ETS2: variants seen among roughly 807,000 people sequenced by gnomAD.
The protein encoded by ETS2 is protein C-ets-2.
Under a neutral mutation model 54.9 loss-of-function variants are expected in ETS2, and 19 were observed. The observed-to-expected ratio is 0.35, with a 90% CI of 0.24 to 0.51. The LOEUF (loss-of-function observed/expected upper bound fraction) is 0.51. Among genes scored for constraint, ETS2 ranks in the 20% least tolerant of loss-of-function variants. The pLI, the probability that ETS2 is intolerant of heterozygous loss-of-function variation, is 0.97. For missense variants in ETS2, 417 were observed against 593.0 expected (o/e 0.70, Z 3.08); for synonymous variants, 219 against 229.3 (o/e 0.95, Z 0.41).
Position 38,814,758 on chromosome 21 carries a change from C to A in ETS2, c.305-23C>A. 1 of 1,608,752 alleles carries A rather than the reference C, an allele frequency of 6.2e-7. No homozygotes were observed. The highest frequency in any genetic ancestry group is 8.5e-7 in the Non-Finnish European group (1 of 1,175,528). The stretch of plus-strand genomic sequence containing the variant: ...TCCACTGTTTTTACCTCATGTGTTC[C>A]ATTTTTTCTTCTCTCCTGGTAGACC... On this transcript the variant is annotated intron_variant, in intron 4 of 9. Coordinates refer to ENST00000360938, the MANE Select transcript of ETS2 (RefSeq NM_005239.6). This position sits in a 1 kb window ranked among gnomAD's most constrained non-coding sequence, Gnocchi z 4.2.
chr21:38,807,152 A>C (rs2123403590), intron 1 of ETS2, among the ~76,000 whole-genome samples: 1 of 152,330 alleles, frequency 6.6e-6, no homozygotes, highest in South Asian at 2.1e-4. Flanking sequence ...GTTAGCACCG[A>C]CCATCCGCAG....
chr21:38,809,941 A>G, intron 1 of ETS2, 94 bp from the exon 2 acceptor site: 1 of 746,864 alleles, frequency 1.3e-6, no homozygotes, highest in Non-Finnish European at 2.2e-6. Flanking sequence ...TGTTAGCTGT[A>G]GAACTCAGCC....
chr21:38,805,681 C>G, upstream of ETS2: 1 of 1,175,204 alleles, frequency 8.5e-7, no homozygotes, highest in South Asian at 1.5e-5. The surrounding 1 kb of genome is among the most constrained non-coding windows in gnomAD (Gnocchi z 5.2). Context: ...CTCTTCTCTC[C>G]CCTCGTGCGT....
chr21:38,819,263 C>A (rs368271003), intron 7 of ETS2, among the ~76,000 whole-genome samples: 1 of 152,128 alleles, frequency 6.6e-6, no homozygotes, highest in Non-Finnish European at 1.5e-5. Flanking sequence ...TCTTTTTCAT[C>A]GCTGTATAGT....
Position 38,821,816 on chromosome 21 carries a change from C to G in ETS2, c.1194+112C>G. On this transcript the variant is annotated intron_variant, in intron 9 of 9. Transcript: ENST00000360938. This position sits in a 1 kb window ranked among gnomAD's most constrained non-coding sequence, Gnocchi z 4.2. ...AGGGTTCACCAGTACTGCTGAGAAT[C>G]TTTCCACGTGAGGCATCCTTGGCTG... The G allele has an allele frequency of 1.3e-6, 1 of 741,550 alleles. No homozygotes were observed. The highest frequency in any genetic ancestry group is 2.4e-6 in the Non-Finnish European group (1 of 423,942). 45.9% of individuals were successfully genotyped at this position (741,550 alleles called of 1,614,324 possible).
Position 38,818,643 on chromosome 21 carries a change from T to A in ETS2, c.808T>A (p.Ser270Thr), listed in dbSNP as rs776625757. The change falls in exon 7 of 10, where the codon TCT becomes ACT. Residue 270 changes from serine (S) to threonine (T), a missense_variant. Coordinates refer to ENST00000360938, the MANE Select transcript of ETS2 (RefSeq NM_005239.6). ...CAACTTGAATTTGCTCACCAACAAT[T>A]CTGGTAAGATTGGAAGCATCTTTCA... Reference protein sequence around the residue: ...GSNLNLLTNNSGTPKDHDSPE... With the variant: ...GSNLNLLTNNTGTPKDHDSPE... 1 of 1,614,076 alleles carries A rather than the reference T, an allele frequency of 6.2e-7. No individual in the cohort carries two copies. The highest frequency in any genetic ancestry group is 8.5e-7 in the Non-Finnish European group (1 of 1,180,006).
intron 6 of ETS2, among the ~76,000 whole-genome samples, chr21:38,817,505 G>C (rs1022740964): frequency 6.6e-6 from 1 of 152,222 alleles, no homozygotes; most frequent in Non-Finnish European, 1.5e-5. Context: ...GGTCAGCACT[G>C]TTAGTGCTAG....
rs201065633 is a variant in ETS2 at position 38,819,633 on chromosome 21, C to T, written c.942C>T (p.Phe314=). 53 of 1,614,062 alleles carry T rather than the reference C, an allele frequency of 3.3e-5. No homozygotes were observed. Among genetic ancestry groups the T allele is most frequent in the African/African-American group, 1.9e-4 (14 of 74,930 alleles). ...AACGGGTTCCTTCCTTCGAGAGCTT[C>T]GAAGATGACTGCAGCCAGTCTCTCT... The part of the protein sequence containing the change: ...DVQRVPSFES[F]EDDCSQSLCL... Residue 314 remains phenylalanine, a synonymous_variant, in exon 8 of 10, where the codon TTC becomes TTT. Transcript: ENST00000360938.
rs2060923719 is a variant in ETS2, at chr21:38,814,147, TAAGGAATCATGCC to T, written c.185-121_185-109del. 6.3e-6 allele frequency: 6 copies of T among 946,944 alleles called. No homozygotes were observed. In the East Asian group the frequency reaches 1.2e-4, roughly 19 times the overall value. The allele number at this position is 946,944 out of a possible 1,614,324, so 58.7% of individuals were successfully genotyped here. A position where few individuals can be genotyped will look rare whatever the true frequency, so the allele number is the denominator to read the frequency against. ...TTTTTTGTTAATAGTTACACTGTTTTAAGGAATCATGCCAAGGTTTGAGATCAAAATTGTTCTT... is the reference window on the plus strand; with the variant it reads ...TTTTTTGTTAATAGTTACACTGTTTTAAGGTTTGAGATCAAAATTGTTCTT... On this transcript the variant is annotated intron_variant, in intron 3 of 9. Coordinates refer to ENST00000360938, the MANE Select transcript of ETS2 (RefSeq NM_005239.6). The surrounding 1 kb of genome is among the most constrained non-coding windows in gnomAD (Gnocchi z 4.2).
chr21:38,811,266 T>C (rs2060912780), intron 2 of ETS2, among the ~76,000 whole-genome samples: 2 of 152,216 alleles, frequency 1.3e-5, no homozygotes, highest in African/African-American at 4.8e-5. Context: ...TTTAAAAGTT[T>C]ATTGGAGGTT....
Position 38,806,296 on chromosome 21 carries a change from C to T in ETS2, c.-1+176C>T. 1.1e-6 allele frequency: 1 copy of T among 943,896 alleles called. No homozygotes were observed. Among genetic ancestry groups the T allele is most frequent in the Non-Finnish European group, 1.3e-6 (1 of 792,226 alleles). 58.5% of individuals were successfully genotyped at this position (943,896 alleles called of 1,614,324 possible). On this transcript the variant is annotated intron_variant, in intron 1 of 9. Coordinates refer to ENST00000360938, the MANE Select transcript of ETS2 (RefSeq NM_005239.6). The surrounding 1 kb of genome is among the most constrained non-coding windows in gnomAD (Gnocchi z 4.3). ...ACTCTAGGGGCGCGCGTCTGAGTTC[C>T]GCGCCGGCTCGTTTTCCGGTTATGG...
In ETS2 at chr21:38,806,645, A is replaced by T; in HGVS notation, c.-1+525A>T. 2.0e-6 allele frequency: 2 copies of T among 984,736 alleles called. No homozygotes were observed. The highest frequency in any genetic ancestry group is 2.4e-6 in the Non-Finnish European group (2 of 829,786). The allele number at this position is 984,736 out of a possible 1,614,324, so 61.0% of individuals were successfully genotyped here. On this transcript the variant is annotated intron_variant, in intron 1 of 9. Transcript: ENST00000360938. This position sits in a 1 kb window ranked among gnomAD's most constrained non-coding sequence, Gnocchi z 4.3. ...ACCTGAAGGCTGCGGCACCGCGGGAACCTGCGGGGCGCGGGGTGCCATGGT... is the reference window on the plus strand; with the variant it reads ...ACCTGAAGGCTGCGGCACCGCGGGATCCTGCGGGGCGCGGGGTGCCATGGT...
upstream of ETS2, chr21:38,805,653 C>T: frequency 8.3e-7 from 1 of 1,201,008 alleles, no homozygotes; most frequent in Non-Finnish European, 1.1e-6. The surrounding 1 kb of genome is among the most constrained non-coding windows in gnomAD (Gnocchi z 5.2). Context: ...CCCGCGCTCC[C>T]TCGCCGCCTC....
At position 38,818,441 on chromosome 21, in the gene ETS2, G is replaced by A. The variant is rs1471967746; in HGVS notation, c.606G>A (p.Gln202=). 4 of 1,614,018 alleles carry A rather than the reference G, an allele frequency of 2.5e-6. No individual in the cohort carries two copies. In the African/African-American group the frequency reaches 4.0e-5, roughly 16 times the overall value. Residue 202 remains glutamine (Q), a synonymous_variant, in exon 7 of 10, where the codon CAG becomes CAA. Coordinates refer to ENST00000360938, the MANE Select transcript of ETS2 (RefSeq NM_005239.6). ...NSNTLGFGTE[Q]APYGMQTQNY... Reference sequence around the variant, plus strand: ...CTGTTCCAGGTTTTGGCACAGAGCAGGCGCCCTATGGAATGCAGACACAGA... The same window carrying A: ...CTGTTCCAGGTTTTGGCACAGAGCAAGCGCCCTATGGAATGCAGACACAGA...
intron 1 of ETS2, among the ~76,000 whole-genome samples, chr21:38,808,408 G>A (rs768415221): frequency 1.4e-4 from 22 of 152,278 alleles, no homozygotes; most frequent in Admixed American, 1.2e-3. Context: ...GAGTGAATGT[G>A]GCCACTTTGG....
intron 7 of ETS2, 58 bp from the exon 8 acceptor site, chr21:38,819,445 G>C: frequency 6.4e-7 from 1 of 1,554,272 alleles, no homozygotes; most frequent in Non-Finnish European, 8.9e-7. Context: ...CTATGGTCGT[G>C]CCCAAGACCA....
intron 2 of ETS2, among the ~76,000 whole-genome samples, chr21:38,811,088 G>T (rs1012717648): frequency 6.6e-6 from 1 of 151,896 alleles, no homozygotes; most frequent in East Asian, 1.9e-4. Flanking sequence ...ATAATTTGAC[G>T]ATGCTTATGC....
At chr21:38,812,720 G>T (rs576953997) in intron 2 of ETS2, among the ~76,000 whole-genome samples, 30 of 152,318 alleles carry the variant, frequency 2.0e-4, no homozygotes, top group African/African-American at 6.7e-4. Flanking sequence ...GGGGGAGGTT[G>T]CAGTGAGCCA....
chr21:38,817,148 T>G, intron 6 of ETS2, 57 bp downstream of exon 6: 3 of 1,165,314 alleles, frequency 2.6e-6, no homozygotes, highest in Non-Finnish European at 3.9e-6. Context: ...CCAGTAGACT[T>G]GGAATCTCTC....
Sources: allele counts gnomAD v4.1 joint callset (sites outside exome capture counted in the v4.1 genomes callset), GRCh38; gene constraint gnomAD v4.1.1; non-coding constraint Gnocchi (gnomAD v3.1); transcripts MANE v1.5; gene names NCBI Gene and HGNC (gene_info 2026-07-23, HGNC 2026-07-21).